GLIS3: variants seen among roughly 807,000 people sequenced by gnomAD.
GLIS3 encodes zinc finger protein GLIS3.
Under a neutral mutation model 78.6 loss-of-function variants are expected in GLIS3, and 53 were observed. The ratio of observed to expected loss-of-function variants is 0.67; its 90% confidence interval spans 0.54 to 0.85. GLIS3 has a LOEUF of 0.85. GLIS3 is among the 40% of genes least tolerant of loss of function. The pLI, the probability that GLIS3 is intolerant of heterozygous loss-of-function variation, is 0.00. For synonymous variants in GLIS3, 684 were observed against 509.9 expected, an observed-to-expected ratio of 1.34 and a Z score of -4.60; for missense variants, 1,703 against 1,231.1, an observed-to-expected ratio of 1.38 and a Z score of -5.74.
At chr9:4,160,450 C>T (rs1835385678) in intron 2 of GLIS3, among the ~76,000 whole-genome samples, 1 of 152,212 alleles carries the variant, frequency 6.6e-6, no homozygotes, top group African/African-American at 2.4e-5. Flanking sequence ...AAGTACATCT[C>T]CCGCACAGCG....
chr9:3,851,892 C>T (rs1033643206), intron 9 of GLIS3, among the ~76,000 whole-genome samples: 1 of 152,050 alleles, frequency 6.6e-6, no homozygotes, highest in Non-Finnish European at 1.5e-5. Flanking sequence ...CCTGTAATCC[C>T]AGCACTTTGG....
chr9:3,881,838 C>CTATT (rs1821750726), intron 7 of GLIS3, among the ~76,000 whole-genome samples: 1 of 152,216 alleles, frequency 6.6e-6, no homozygotes. Context: ...ATACCAAGAC[C>CTATT]TATTAGTATA....
intron 2 of GLIS3, among the ~76,000 whole-genome samples, chr9:4,322,795 T>G (rs1056732427): frequency 2.0e-5 from 3 of 152,258 alleles, no homozygotes; most frequent in African/African-American, 7.2e-5. Context: ...AAGTTCTTTG[T>G]AGATTTTGAA....
chr9:4,093,314 T>C (rs1207741427), intron 4 of GLIS3, among the ~76,000 whole-genome samples: 1 of 151,258 alleles, frequency 6.6e-6, no homozygotes, highest in African/African-American at 2.4e-5. Flanking sequence ...GGAAAAATAC[T>C]GAAAAGAGCC....
intron 7 of GLIS3, among the ~76,000 whole-genome samples, chr9:3,892,527 G>A (rs1313329779): frequency 6.6e-6 from 1 of 152,130 alleles, no homozygotes; most frequent in Admixed American, 6.5e-5. Flanking sequence ...TCTTATTACT[G>A]TAAAATATGG....
intron 2 of GLIS3, among the ~76,000 whole-genome samples, chr9:4,127,218 GA>G (rs1369357544): frequency 6.6e-6 from 1 of 152,124 alleles, no homozygotes; most frequent in Non-Finnish European, 1.5e-5. Flanking sequence ...AGTGGTAATT[GA>G]CCTGCACAAA....
intron 2 of GLIS3, among the ~76,000 whole-genome samples, chr9:4,327,286 G>A (rs1175884338): frequency 2.0e-5 from 3 of 152,312 alleles, no homozygotes; most frequent in Non-Finnish European, 2.9e-5. Flanking sequence ...GAGGACAGAT[G>A]TCAGGGTGTA....
intron 2 of GLIS3, among the ~76,000 whole-genome samples, chr9:4,318,705 ATGTT>A (rs1336421547): frequency 2.6e-5 from 4 of 152,228 alleles, no homozygotes; most frequent in Admixed American, 6.5e-5. Context: ...CATAGAAGAA[ATGTT>A]TGTTTTAAAA....
chr9:4,290,918 A>G (rs985836940), intron 1 of GLIS3, among the ~76,000 whole-genome samples: 7 of 152,152 alleles, frequency 4.6e-5, no homozygotes, highest in Non-Finnish European at 1.0e-4. Flanking sequence ...ACTGGAGGAT[A>G]CTATATTATG....
At chr9:4,046,390 G>C (rs1186878477) in intron 4 of GLIS3, among the ~76,000 whole-genome samples, 1 of 152,164 alleles carries the variant, frequency 6.6e-6, no homozygotes, top group Non-Finnish European at 1.5e-5. Context: ...AGGGTTGGCA[G>C]GCATGAGAGG....
chr9:4,244,517 T>C (rs1426157611), intron 2 of GLIS3, among the ~76,000 whole-genome samples: 8 of 152,184 alleles, frequency 5.3e-5, no homozygotes, highest in Non-Finnish European at 1.0e-4. Flanking sequence ...TGAACTGCTT[T>C]TTTAAAACTG....
chr9:4,204,704 G>C (rs1173002938), intron 2 of GLIS3, among the ~76,000 whole-genome samples: 1 of 152,194 alleles, frequency 6.6e-6, no homozygotes, highest in South Asian at 2.1e-4. Context: ...GACTGCCTGA[G>C]CTCAGGAGTT....
the GLIS3 span, among the ~76,000 whole-genome samples, chr9:4,402,727 A>T: frequency 6.6e-6 from 1 of 152,198 alleles, no homozygotes; most frequent in African/African-American, 2.4e-5. Context: ...TTGATTAAGC[A>T]GAAGAAAGAC....
At chr9:4,268,010 T>C (rs1412619544) in intron 2 of GLIS3, among the ~76,000 whole-genome samples, 2 of 152,052 alleles carry the variant, frequency 1.3e-5, no homozygotes. Flanking sequence ...TGTGAATATA[T>C]ACATAGATGT....
chr9:4,341,693 T>C (rs1328431053), intron 2 of GLIS3, among the ~76,000 whole-genome samples: 1 of 152,242 alleles, frequency 6.6e-6, no homozygotes, highest in Non-Finnish European at 1.5e-5. Flanking sequence ...TGGCCAGCTC[T>C]GATAACTGTG....
chr9:4,242,501 G>C (rs973263656), intron 2 of GLIS3, among the ~76,000 whole-genome samples: 12 of 152,100 alleles, frequency 7.9e-5, no homozygotes, highest in African/African-American at 2.7e-4. Flanking sequence ...CACTGATTCC[G>C]GCTACCTGCT....
intron 2 of GLIS3, among the ~76,000 whole-genome samples, chr9:4,344,940 C>A (rs935839966): frequency 1.3e-5 from 2 of 152,226 alleles, no homozygotes; most frequent in African/African-American, 2.4e-5. Context: ...CACCACTGCA[C>A]TCCATTCCAA....
intron 2 of GLIS3, among the ~76,000 whole-genome samples, chr9:4,265,912 G>C (rs1192236863): frequency 1.3e-5 from 1 of 75,758 alleles, no homozygotes. Flanking sequence ...TTTTTTGTTT[G>C]TCTGTTTGTT....
chr9:4,353,441 T>A, the GLIS3 span, among the ~76,000 whole-genome samples: 79 of 152,284 alleles, frequency 5.2e-4, no homozygotes, highest in African/African-American at 1.8e-3. Flanking sequence ...CCATTGAGCC[T>A]CAGGATTCCA....
Sources: allele counts gnomAD v4.1 joint callset (sites outside exome capture counted in the v4.1 genomes callset), GRCh38; gene constraint gnomAD v4.1.1; transcripts MANE v1.5; gene names NCBI Gene and HGNC (gene_info 2026-07-23, HGNC 2026-07-21).